The following RALYL variants were observed in gnomAD, a reference collection of about 807,000 sequenced individuals.
The protein encoded by RALYL is RNA-binding Raly-like protein.
Under a neutral mutation model 35.1 loss-of-function variants are expected in RALYL, and 29 were observed. The ratio of observed to expected loss-of-function variants is 0.83; its 90% CI spans 0.61 to 1.13. The LOEUF is 1.13. RALYL is among the 50% of genes most tolerant of loss of function. The pLI is 0.00. For missense variants in RALYL, 359 were observed against 360.4 expected (o/e 1.00, Z 0.03); for synonymous variants, 120 against 127.6 (o/e 0.94, Z 0.40).
intron 3 of RALYL, among the ~76,000 whole-genome samples, chr8:84,778,277 C>T (rs1817325708): frequency 6.6e-6 from 1 of 152,186 alleles, no homozygotes; most frequent in Admixed American, 6.5e-5. Flanking sequence ...ATACCAATCA[C>T]AAAGTGGTAT....
At chr8:84,463,909 C>T (rs757779981) in intron 1 of RALYL, among the ~76,000 whole-genome samples, 1 of 151,982 alleles carries the variant, frequency 6.6e-6, no homozygotes, top group South Asian at 2.1e-4. Flanking sequence ...GTTTTTTATG[C>T]CTGGCAACCA....
At chr8:84,254,665 G>A (rs994911964) in intron 1 of RALYL, among the ~76,000 whole-genome samples, 6 of 148,924 alleles carry the variant, frequency 4.0e-5, no homozygotes, top group Non-Finnish European at 7.4e-5. Flanking sequence ...TGAGGGTGGT[G>A]TCAAATGGAA....
At position 84,680,470 on chromosome 8, in the gene RALYL, T is replaced by G. The variant is rs189126347; in HGVS notation, c.257-94109T>G. 5.7e-3 allele frequency among the ~76,000 whole-genome samples: 865 copies of G among 152,152 alleles called. 10 individuals are homozygous for G. The highest frequency in any genetic ancestry group is 0.02 in the African/African-American group (823 of 41,526). ...AACTAGTTTACAGTCCCACAACAGT[T>G]TAAAAGTGTTCCTATTTCTCCACAT... On this transcript the variant is annotated intron_variant, in intron 2 of 8. Coordinates refer to ENST00000521268, the MANE Select transcript of RALYL (RefSeq NM_173848.7).
At chr8:84,558,982 A>C (rs1331746981) in intron 2 of RALYL, among the ~76,000 whole-genome samples, 1 of 152,128 alleles carries the variant, frequency 6.6e-6, no homozygotes, top group Non-Finnish European at 1.5e-5. Flanking sequence ...AATCTCATTA[A>C]GCCTTCATCA....
At chr8:84,335,140 T>C (rs1166634114) in intron 1 of RALYL, among the ~76,000 whole-genome samples, 7 of 152,014 alleles carry the variant, frequency 4.6e-5, no homozygotes, top group Non-Finnish European at 1.5e-5. Context: ...CATCTCTGGG[T>C]TTACTAAGTT....
chr8:84,806,129 C>T (rs921357910), intron 4 of RALYL, among the ~76,000 whole-genome samples: 33 of 152,046 alleles, frequency 2.2e-4, no homozygotes, highest in African/African-American at 8.0e-4. Flanking sequence ...AAAAGCTTTT[C>T]AGAAAGCCAC....
intron 2 of RALYL, among the ~76,000 whole-genome samples, chr8:84,677,303 G>GTAA (rs1192490002): frequency 6.6e-5 from 10 of 152,094 alleles, no homozygotes; most frequent in Admixed American, 3.9e-4. Flanking sequence ...TATTATGTTT[G>GTAA]TAAAATGTAT....
At chr8:84,393,237 A>G (rs1861097501) in intron 1 of RALYL, among the ~76,000 whole-genome samples, 1 of 152,032 alleles carries the variant, frequency 6.6e-6, no homozygotes, top group South Asian at 2.1e-4. Context: ...CTAGACTGGT[A>G]AAGGATCCGC....
At chr8:84,427,364 A>T (rs1244854006) in intron 1 of RALYL, among the ~76,000 whole-genome samples, 3 of 152,098 alleles carry the variant, frequency 2.0e-5, no homozygotes, top group Non-Finnish European at 4.4e-5. Flanking sequence ...CTCATTAGTG[A>T]TTGGGAATTT....
At chr8:84,403,870 AG>A (rs927819505) in intron 1 of RALYL, among the ~76,000 whole-genome samples, 1 of 152,000 alleles carries the variant, frequency 6.6e-6, no homozygotes, top group Non-Finnish European at 1.5e-5. Context: ...AGTGGTTTGT[AG>A]TTCTCCTTGA....
chr8:84,822,410 A>G (rs1006470148), intron 4 of RALYL, among the ~76,000 whole-genome samples: 1 of 152,150 alleles, frequency 6.6e-6, no homozygotes, highest in South Asian at 2.1e-4. Context: ...AGCTCTTGTG[A>G]AAGGATTTGA....
chr8:84,428,367 T>C, intron 1 of RALYL, among the ~76,000 whole-genome samples: 1 of 152,184 alleles, frequency 6.6e-6, no homozygotes, highest in South Asian at 2.1e-4. Flanking sequence ...GAGTTTCACA[T>C]GTATCTTGGA....
intron 1 of RALYL, among the ~76,000 whole-genome samples, chr8:84,471,819 C>T (rs1398297181): frequency 6.6e-6 from 1 of 152,074 alleles, no homozygotes. Context: ...ATTTTGTGAG[C>T]AGGAAATAAG....
intron 2 of RALYL, among the ~76,000 whole-genome samples, chr8:84,626,911 C>T (rs963930313): frequency 6.6e-6 from 1 of 152,148 alleles, no homozygotes; most frequent in Non-Finnish European, 1.5e-5. Context: ...TGCGCTTTCA[C>T]AGCCTTATTT....
chr8:84,562,414 T>C (rs753569946), intron 2 of RALYL, among the ~76,000 whole-genome samples: 1 of 151,960 alleles, frequency 6.6e-6, no homozygotes, highest in Non-Finnish European at 1.5e-5. Context: ...CTCGTTAACA[T>C]CTTCACATAT....
intron 1 of RALYL, among the ~76,000 whole-genome samples, chr8:84,310,119 C>T (rs73306911): frequency 0.047 from 7,179 of 151,672 alleles, 263 homozygotes; most frequent in African/African-American, 0.083. Context: ...CATGATAGCT[C>T]ACTGCAAGCT....
intron 2 of RALYL, among the ~76,000 whole-genome samples, chr8:84,650,738 C>T (rs1182655004): frequency 6.6e-6 from 1 of 151,330 alleles, no homozygotes; most frequent in Non-Finnish European, 1.5e-5. Flanking sequence ...ACCCAAAGGA[C>T]TATAAATCAT....
At chr8:84,914,759 TA>T (rs557197674) in intron 8 of RALYL, among the ~76,000 whole-genome samples, 3 of 152,016 alleles carry the variant, frequency 2.0e-5, no homozygotes, top group Non-Finnish European at 2.9e-5. Flanking sequence ...AAACAGAACT[TA>T]AAAAAAATTT....
intron 1 of RALYL, among the ~76,000 whole-genome samples, chr8:84,426,442 G>GTGT (rs1554662510): frequency 6.8e-6 from 1 of 148,000 alleles, no homozygotes; most frequent in African/African-American, 2.5e-5. Context: ...CTCTCTCTGT[G>GTGT]TGTGTGTGTG....
Sources: gnomAD v4.1 joint callset for allele counts (sites outside exome capture counted in the v4.1 genomes callset) on GRCh38, gnomAD v4.1.1 for gene constraint, MANE v1.5 for transcripts, NCBI Gene and HGNC (gene_info 2026-07-23, HGNC 2026-07-21) for gene names.